SEC22A: variants seen among roughly 807,000 people sequenced by gnomAD.
SEC22A encodes the protein vesicle-trafficking protein SEC22a.
SEC22A carries 22 observed loss-of-function variants against 35.3 expected under a neutral mutation model. That is an observed-to-expected ratio of 0.62 (90% CI 0.45 to 0.89). SEC22A has a LOEUF of 0.89. SEC22A is among the 40% of genes least tolerant of loss of function. The pLI is 0.00. For synonymous variants in SEC22A, 119 were observed against 129.5 expected, an observed-to-expected ratio of 0.92 and a Z score of 0.55; for missense variants, 354 against 362.5, an observed-to-expected ratio of 0.98 and a Z score of 0.19.
intron 5 of SEC22A, among the ~76,000 whole-genome samples, chr3:123,252,121 ACTTTT>A (rs1937621674): frequency 1.3e-5 from 2 of 152,288 alleles, no homozygotes; most frequent in South Asian, 4.1e-4. Context: ...GAGGTCTCTT[ACTTTT>A]AATTTTCCCT....
chr3:123,231,521 A>C (rs77056665), intron 4 of SEC22A, among the ~76,000 whole-genome samples: 297 of 152,340 alleles, frequency 1.9e-3, no homozygotes, highest in Middle Eastern at 3.4e-3. Flanking sequence ...AAACAGAAAG[A>C]AATTTGGGAA....
chr3:123,247,228 CT>C lies in SEC22A; in HGVS notation c.657+1223del, dbSNP rs202245713. Among the ~76,000 whole-genome samples the C allele has an allele frequency of 2.3e-4, 35 of 151,618 alleles. 1 individual carries two copies. Among genetic ancestry groups the C allele is most frequent in the Middle Eastern group, 3.4e-3 (1 of 294 alleles). On this transcript the variant is annotated intron_variant, in intron 5 of 6. Coordinates refer to ENST00000492595, the MANE Select transcript of SEC22A (RefSeq NM_012430.5). Reference sequence around the variant, plus strand: ...AGAAAAAGCTTACAAATAAGATACTCTTTTTTTTTGTACTCAACATAGTAGA... The same window carrying C: ...AGAAAAAGCTTACAAATAAGATACTCTTTTTTTTGTACTCAACATAGTAGA...
chr3:123,270,129 A>G (rs1229454897), intron 6 of SEC22A, among the ~76,000 whole-genome samples: 3 of 152,226 alleles, frequency 2.0e-5, no homozygotes, highest in East Asian at 1.9e-4. Context: ...TGATTATACT[A>G]TGATTACATA....
intron 6 of SEC22A, among the ~76,000 whole-genome samples, chr3:123,266,772 T>G (rs1938037076): frequency 6.7e-6 from 1 of 148,384 alleles, no homozygotes; most frequent in Non-Finnish European, 1.5e-5. Flanking sequence ...TTGGGTGTGT[T>G]CTGTAAATGT....
At chr3:123,215,997 C>T (rs1937015399) in intron 2 of SEC22A, among the ~76,000 whole-genome samples, 1 of 152,178 alleles carries the variant, frequency 6.6e-6, no homozygotes, top group Admixed American at 6.5e-5. Context: ...CCTATAACTA[C>T]TAAACCAGTT....
rs1305256886 is a variant in SEC22A at position 123,273,659 on chromosome 3, T to A, written c.*1937T>A. On this transcript the variant is annotated 3_prime_UTR_variant, in exon 7 of 7. Coordinates refer to ENST00000492595, the MANE Select transcript of SEC22A (RefSeq NM_012430.5). Reference sequence around the variant, plus strand: ...CTCATCTCTACTAAAAATACAAAATTTAGCTGGGTGTGGTTGCGCGTGCCT... The same window carrying A: ...CTCATCTCTACTAAAAATACAAAATATAGCTGGGTGTGGTTGCGCGTGCCT... 1 of 152,098 alleles carries A rather than the reference T, an allele frequency of 6.6e-6. No individual in the cohort carries two copies. The highest frequency in any genetic ancestry group is 6.5e-5 in the Admixed American group (1 of 15,272). The allele number at this position is 152,098 out of a possible 1,614,324, so 9.4% of individuals were successfully genotyped here.
Position 123,272,337 on chromosome 3 carries a change from G to A in SEC22A, c.*615G>A, listed in dbSNP as rs913475109. 1 of 152,200 alleles carries A rather than the reference G, an allele frequency of 6.6e-6. No homozygotes were observed. Among genetic ancestry groups the A allele is most frequent in the Non-Finnish European group, 1.5e-5 (1 of 68,092 alleles). The allele number at this position is 152,200 out of a possible 1,614,324, so 9.4% of individuals were successfully genotyped here. On this transcript the variant is annotated 3_prime_UTR_variant, in exon 7 of 7. Transcript: ENST00000492595. ...TCGTCTGTGGAACATCACAAGTATC[G>A]AAAATACAGTAATGGATGTTTCCTT...
At chr3:123,208,241 A>G (rs1936882000) in intron 1 of SEC22A, 1 of 152,212 alleles carries the variant, frequency 6.6e-6, no homozygotes, top group Non-Finnish European at 1.5e-5. Flanking sequence ...ATTCTGTTAT[A>G]TGAATATACT....
intron 6 of SEC22A, among the ~76,000 whole-genome samples, chr3:123,270,268 T>C (rs1938129337): frequency 6.8e-6 from 1 of 147,934 alleles, no homozygotes; most frequent in Non-Finnish European, 1.5e-5. Context: ...TTCAGTCTTA[T>C]ATGATGAAAA....
At chr3:123,242,906 T>C (rs1042045968) in intron 4 of SEC22A, among the ~76,000 whole-genome samples, 3 of 152,168 alleles carry the variant, frequency 2.0e-5, no homozygotes, top group Non-Finnish European at 2.9e-5. Context: ...TCTCCCTCCC[T>C]TACTTTTGAT....
intron 6 of SEC22A, among the ~76,000 whole-genome samples, chr3:123,266,671 AT>A: frequency 6.6e-6 from 1 of 152,158 alleles, no homozygotes; most frequent in South Asian, 2.1e-4. Context: ...CTTCTTTTAA[AT>A]TTGTTGAGGT....
rs1423636811 is a variant in SEC22A at position 123,271,805 on chromosome 3, T to A, written c.*83T>A. ...AACTGCACTGTGATGAAGAAGCTGTTCCCCACAGAGGAGAAGCTCTGCTTT... is the reference window on the plus strand; with the variant it reads ...AACTGCACTGTGATGAAGAAGCTGTACCCCACAGAGGAGAAGCTCTGCTTT... On this transcript the variant is annotated 3_prime_UTR_variant, in exon 7 of 7. Transcript: ENST00000492595. 2.6e-6 allele frequency: 3 copies of A among 1,156,428 alleles called. No individual in the cohort carries two copies. The highest frequency in any genetic ancestry group is 3.8e-6 in the Non-Finnish European group (3 of 796,762). The allele number at this position is 1,156,428 out of a possible 1,614,324, so 71.6% of individuals were successfully genotyped here. A position where few individuals can be genotyped will look rare whatever the true frequency, so the allele number is the denominator to read the frequency against.
intron 4 of SEC22A, among the ~76,000 whole-genome samples, chr3:123,238,760 C>G (rs150476581): frequency 2.0e-5 from 3 of 152,142 alleles, no homozygotes; most frequent in Non-Finnish European, 2.9e-5. Flanking sequence ...GATCCTCTCC[C>G]CACAGTCTGG....
intron 4 of SEC22A, among the ~76,000 whole-genome samples, chr3:123,232,260 G>T (rs376605678): frequency 2.0e-5 from 3 of 152,058 alleles, no homozygotes; most frequent in South Asian, 4.2e-4. Flanking sequence ...GAAATGAAAA[G>T]GATGGCATTT....
intron 2 of SEC22A, among the ~76,000 whole-genome samples, chr3:123,214,249 T>C (rs889154592): frequency 2.6e-5 from 4 of 152,218 alleles, no homozygotes; most frequent in Non-Finnish European, 4.4e-5. Context: ...AAAATTCCTT[T>C]AGTTTTCTTC....
At chr3:123,250,353 T>C (rs1444522774) in intron 5 of SEC22A, among the ~76,000 whole-genome samples, 1 of 151,918 alleles carries the variant, frequency 6.6e-6, no homozygotes, top group Non-Finnish European at 1.5e-5. Flanking sequence ...GAGGTTGCAG[T>C]GAGCCAAGAT....
chr3:123,257,995 G>GGAAAAAAAAAAAAAAA (rs1937777606), intron 5 of SEC22A, among the ~76,000 whole-genome samples: 1 of 111,484 alleles, frequency 9.0e-6, no homozygotes, highest in Non-Finnish European at 1.9e-5. Flanking sequence ...CCATCTCATT[G>GGAAAAAAAAAAAAAAA]AAAAAAAAAA....
chr3:123,209,140 T>C, intron 1 of SEC22A, 59 bp from the exon 2 acceptor site: 1 of 1,335,014 alleles, frequency 7.5e-7, no homozygotes. Context: ...CATTTTTACA[T>C]ATGCTTATCA....
intron 2 of SEC22A, among the ~76,000 whole-genome samples, chr3:123,211,199 G>C (rs756182196): frequency 6.6e-6 from 1 of 152,092 alleles, no homozygotes; most frequent in African/African-American, 2.4e-5. Flanking sequence ...GAAAATAAAC[G>C]TGCAAATGAA....
Sources: allele counts gnomAD v4.1 joint callset (sites outside exome capture counted in the v4.1 genomes callset), GRCh38; gene constraint gnomAD v4.1.1; transcripts MANE v1.5; gene names NCBI Gene and HGNC (gene_info 2026-07-23, HGNC 2026-07-21).